Variants in WSCD2 observed in about 807,000 individuals in gnomAD.
WSCD2 encodes WSC domain sialate O sulfotransferase 2.
WSCD2 carries 28 observed loss-of-function variants against 55.7 expected under a neutral mutation model. That is an observed-to-expected ratio of 0.50 (90% CI 0.37 to 0.69). The LOEUF is 0.69. Ranked by LOEUF, WSCD2 falls within the 30% of genes least tolerant of loss-of-function variation. The probability of loss-of-function intolerance (pLI) is 0.00; values close to 1 mark genes in which losing one functional copy is unlikely to be tolerated. For synonymous variants in WSCD2, 301 were observed against 301.9 expected (o/e 1.00, Z 0.03); for missense variants, 616 against 762.1 (o/e 0.81, Z 2.26).
chr12:108,173,506 A>G (rs897529142), intron 1 of WSCD2, among the ~76,000 whole-genome samples: 49 of 145,014 alleles, frequency 3.4e-4, no homozygotes, highest in Admixed American at 7.0e-5. Context: ...CCTTCATCCT[A>G]TCCCTTGGTC....
intron 2 of WSCD2, among the ~76,000 whole-genome samples, chr12:108,204,224 GTCTC>G (rs201272553): frequency 6.6e-6 from 1 of 151,526 alleles, no homozygotes; most frequent in Non-Finnish European, 1.5e-5. Flanking sequence ...TTCTGTCTTT[GTCTC>G]TCTCTCTCTC....
At chr12:108,213,912 C>T (rs1886525446) in intron 4 of WSCD2, among the ~76,000 whole-genome samples, 1 of 152,176 alleles carries the variant, frequency 6.6e-6, no homozygotes, top group Non-Finnish European at 1.5e-5. Context: ...CCTTCCTTCC[C>T]TGACCCTGAT....
rs371716560 is a variant in WSCD2, at chr12:108,210,295, G to A, written c.672G>A (p.Ser224=). 3.1e-5 allele frequency: 49 copies of A among 1,585,524 alleles called. No individual in the cohort carries two copies. Among genetic ancestry groups the A allele is most frequent in the Admixed American group, 2.7e-4 (15 of 56,192 alleles). The part of the protein sequence containing the change: ...SVYRLQLAQE[S]ARRYGSAVFR... Reference sequence around the variant, plus strand: ...ACCGGCTGCAGCTGGCCCAGGAGTCGGCCCGCAGGTGTACGTGAGTCTGCC... The same window carrying A: ...ACCGGCTGCAGCTGGCCCAGGAGTCAGCCCGCAGGTGTACGTGAGTCTGCC... The change falls in exon 4 of 9, where the codon TCG becomes TCA. Residue 224 remains serine, a synonymous_variant. Coordinates refer to ENST00000547525, the MANE Select transcript of WSCD2 (RefSeq NM_014653.4). The surrounding 1 kb of genome is among the most constrained non-coding windows in gnomAD (Gnocchi z 4.3).
At chr12:108,177,426 C>T (rs1174051489) in intron 1 of WSCD2, among the ~76,000 whole-genome samples, 1 of 152,102 alleles carries the variant, frequency 6.6e-6, no homozygotes, top group Non-Finnish European at 1.5e-5. Flanking sequence ...TGCAGCCAGA[C>T]TTACCCAGTC....
intron 1 of WSCD2, among the ~76,000 whole-genome samples, chr12:108,193,512 T>A (rs1286830226): frequency 1.3e-5 from 2 of 151,832 alleles, no homozygotes; most frequent in Non-Finnish European, 2.9e-5. Flanking sequence ...AATGGATGTA[T>A]AGTTGGACAG....
intron 3 of WSCD2, among the ~76,000 whole-genome samples, chr12:108,208,876 C>T (rs1885771042): frequency 6.6e-6 from 1 of 152,196 alleles, no homozygotes; most frequent in Non-Finnish European, 1.5e-5. Flanking sequence ...TCACTGCCCT[C>T]CTGGATATTA....
At position 108,129,313 on chromosome 12, in the gene WSCD2, G is replaced by C. The variant is rs1592851081; in HGVS notation, c.-1165G>C. Among the ~76,000 whole-genome samples the C allele has an allele frequency of 6.6e-6, 1 of 152,112 alleles. No individual in the cohort carries two copies. Among genetic ancestry groups the C allele is most frequent in the Admixed American group, 6.5e-5 (1 of 15,282 alleles). On this transcript the variant is annotated 5_prime_UTR_variant, in exon 1 of 9. Coordinates refer to ENST00000547525, the MANE Select transcript of WSCD2 (RefSeq NM_014653.4). Reference sequence around the variant, plus strand: ...GAGGCGCGCTGCTGGTGGCGGCGGCGGCAGCGGCGCGGGAGCTAGGGCTGG... The same window carrying C: ...GAGGCGCGCTGCTGGTGGCGGCGGCCGCAGCGGCGCGGGAGCTAGGGCTGG...
intron 1 of WSCD2, among the ~76,000 whole-genome samples, chr12:108,183,724 CGAGGTCA>C (rs1025672034): frequency 6.6e-6 from 1 of 152,042 alleles, no homozygotes; most frequent in Non-Finnish European, 1.5e-5. Flanking sequence ...GAGGAGGCCC[CGAGGTCA>C]GAGGTCAGAG....
At chr12:108,167,868 G>T (rs1255192636) in intron 1 of WSCD2, among the ~76,000 whole-genome samples, 2 of 152,218 alleles carry the variant, frequency 1.3e-5, no homozygotes, top group Non-Finnish European at 2.9e-5. Flanking sequence ...ATTTTTGGAG[G>T]TGAGTGTTGG....
intron 4 of WSCD2, among the ~76,000 whole-genome samples, chr12:108,220,312 T>C (rs1887344552): frequency 6.6e-6 from 1 of 152,192 alleles, no homozygotes; most frequent in Non-Finnish European, 1.5e-5. Context: ...TGGCACTTGA[T>C]AAATATCAAA....
chr12:108,222,858 T>A (rs989252327), intron 4 of WSCD2, among the ~76,000 whole-genome samples: 20 of 152,364 alleles, frequency 1.3e-4, no homozygotes, highest in South Asian at 4.1e-4. Context: ...TCCTACTTGA[T>A]TGGTCAGAGT....
At chr12:108,212,285 A>G (rs7961514) in intron 4 of WSCD2, among the ~76,000 whole-genome samples, 10,536 of 152,226 alleles carry the variant, frequency 0.069, 597 homozygotes, top group African/African-American at 0.16. Flanking sequence ...TTTGATAGCA[A>G]CATTTGGACC....
At chr12:108,145,848 T>A (rs1412446315) in intron 1 of WSCD2, among the ~76,000 whole-genome samples, 1 of 152,040 alleles carries the variant, frequency 6.6e-6, no homozygotes, top group African/African-American at 2.4e-5. Context: ...AAAATAATGG[T>A]GAGTGAAAAA....
chr12:108,210,310 G>T lies in WSCD2; in HGVS notation c.682+5G>T. 6.4e-7 allele frequency: 1 copy of T among 1,567,070 alleles called. No individual in the cohort carries two copies. Among genetic ancestry groups the T allele is most frequent in the Non-Finnish European group, 8.6e-7 (1 of 1,159,914 alleles). On this transcript the variant is annotated splice_donor_5th_base_variant and intron_variant, in intron 4 of 8. Coordinates refer to ENST00000547525, the MANE Select transcript of WSCD2 (RefSeq NM_014653.4). The surrounding 1 kb of genome is among the most constrained non-coding windows in gnomAD (Gnocchi z 4.3). ...CCCAGGAGTCGGCCCGCAGGTGTAC[G>T]TGAGTCTGCCCTGCCCCTCTCTGCT...
intron 4 of WSCD2, among the ~76,000 whole-genome samples, chr12:108,215,842 C>T (rs1329499617): frequency 6.6e-6 from 1 of 152,198 alleles, no homozygotes; most frequent in Non-Finnish European, 1.5e-5. Flanking sequence ...TTCAGAGACA[C>T]TTGCAGCTGG....
intron 4 of WSCD2, among the ~76,000 whole-genome samples, chr12:108,219,141 A>G (rs528210925): frequency 3.8e-4 from 58 of 152,270 alleles, no homozygotes; most frequent in African/African-American, 1.2e-3. Flanking sequence ...ACCCAGAGAG[A>G]GCCCGTGGGA....
intron 4 of WSCD2, among the ~76,000 whole-genome samples, chr12:108,222,018 T>C (rs1887587374): frequency 6.6e-6 from 1 of 152,214 alleles, no homozygotes; most frequent in African/African-American, 2.4e-5. Context: ...GTCACTGCAA[T>C]GAGCAACTTC....
chr12:108,150,322 T>C (rs1303349969), intron 1 of WSCD2, among the ~76,000 whole-genome samples: 1 of 152,108 alleles, frequency 6.6e-6, no homozygotes. Context: ...CCCCTCTAAT[T>C]GTAAATAAGT....
At chr12:108,151,788 T>A (rs1878030996) in intron 1 of WSCD2, among the ~76,000 whole-genome samples, 1 of 152,240 alleles carries the variant, frequency 6.6e-6, no homozygotes. Context: ...GAGGGTTTTT[T>A]GAGATGAAAA....
Sources: gnomAD v4.1 joint callset for allele counts (sites outside exome capture counted in the v4.1 genomes callset) on GRCh38, gnomAD v4.1.1 for gene constraint, Gnocchi (gnomAD v3.1) non-coding constraint, MANE v1.5 for transcripts, NCBI Gene and HGNC (gene_info 2026-07-23, HGNC 2026-07-21) for gene names.